The following ABCA4 variants were observed in gnomAD, a reference collection of about 807,000 sequenced individuals.
ABCA4 encodes retinal-specific phospholipid-transporting ATPase ABCA4.
A neutral mutation model predicts 263.7 loss-of-function variants in ABCA4; 196 were observed. That is an observed-to-expected ratio of 0.74 (90% CI 0.66 to 0.84). ABCA4 has a LOEUF of 0.84. Ranked by LOEUF, ABCA4 falls within the 40% of genes least tolerant of loss-of-function variation. The probability of loss-of-function intolerance (pLI) is 0.00; values close to 1 mark genes in which losing one functional copy is unlikely to be tolerated. For missense variants in ABCA4, 2,792 were observed against 2,855.1 expected (o/e 0.98, Z 0.50); for synonymous variants, 1,133 against 1,094.2 (o/e 1.04, Z -0.70).
intron 6 of ABCA4, 93 bp from the exon 7 acceptor site, chr1:94,083,534 A>G: frequency 3.6e-6 from 3 of 824,494 alleles, no homozygotes; most frequent in Admixed American, 2.1e-5. Flanking sequence ...ATGTTTGAAA[A>G]CTCCCCCCCT....
At chr1:94,115,647 G>A (rs1292792340) in intron 1 of ABCA4, among the ~76,000 whole-genome samples, 5 of 152,164 alleles carry the variant, frequency 3.3e-5, no homozygotes, top group African/African-American at 4.8e-5. Context: ...CAGAGCAGTC[G>A]TGAGGGTGAA....
At chr1:94,043,246 C>G in intron 21 of ABCA4, 90 bp downstream of exon 21, 3 of 1,583,244 alleles carry the variant, frequency 1.9e-6, no homozygotes, top group Non-Finnish European at 1.7e-6. Flanking sequence ...CTTAGAAGCT[C>G]TCCTGCTCCA....
chr1:94,116,396 G>A (rs1167733159), intron 1 of ABCA4, among the ~76,000 whole-genome samples: 4 of 152,166 alleles, frequency 2.6e-5, no homozygotes, highest in African/African-American at 9.7e-5. Context: ...GAATCTTGGG[G>A]CATGGGACAT....
At chr1:94,097,519 G>GA (rs907364735) in intron 6 of ABCA4, among the ~76,000 whole-genome samples, 2 of 151,772 alleles carry the variant, frequency 1.3e-5, no homozygotes, top group African/African-American at 2.4e-5. Flanking sequence ...GTAGGCAAAA[G>GA]AAAAAAAACA....
At chr1:94,040,453 A>G (rs750430902) in intron 23 of ABCA4, among the ~76,000 whole-genome samples, 3 of 152,192 alleles carry the variant, frequency 2.0e-5, no homozygotes, top group Non-Finnish European at 4.4e-5. Context: ...GGATGGACAT[A>G]GGAAACCCCA....
intron 36 of ABCA4, chr1:94,018,539 A>T (rs1398514491): frequency 8.8e-6 from 4 of 455,752 alleles, no homozygotes; most frequent in South Asian, 6.2e-5. Context: ...GCTGAGTAAG[A>T]TAGAAATCAT....
At position 94,014,684 on chromosome 1, in the gene ABCA4, C is replaced by T. The variant is rs139120604; in HGVS notation, c.5319G>A (p.Ala1773=). The change falls in exon 38 of 50, where the codon GCG becomes GCA. Residue 1773 remains alanine, a synonymous_variant. Transcript: ENST00000370225. ...ATGCTGGGTACATCATGGGAATGACCGCCCATCTGTGTGAAATGAGACAAC... is the reference window on the plus strand; with the variant it reads ...ATGCTGGGTACATCATGGGAATGACTGCCCATCTGTGTGAAATGAGACAAC... ...LVALLLLYGW[A]VIPMMYPASF... The T allele has an allele frequency of 2.4e-5, 39 of 1,613,962 alleles. No individual in the cohort carries two copies. In the African/African-American group the frequency reaches 3.3e-4, roughly 14 times the overall value.
In ABCA4 at chr1:93,997,973, A is replaced by G; in HGVS notation, c.6617T>C (p.Leu2206Pro). 1.2e-6 allele frequency: 2 copies of G among 1,614,092 alleles called. No homozygotes were observed. The highest frequency in any genetic ancestry group is 1.7e-6 in the Non-Finnish European group (2 of 1,180,002). The change falls in exon 48 of 50, where the codon CTC becomes CCC. Residue 2206 changes from leucine (L) to proline (P), a missense_variant. Transcript: ENST00000370225. ...SVQRERHYNM[L>P]QFQVSSSSLA... ...GGAGGAGGAGGAGACCTGGAACTGG[A>G]GCATGTTGTAGTGCCTCTCCCTCTG...
chr1:94,116,023 T>C (rs1662748594), intron 1 of ABCA4, among the ~76,000 whole-genome samples: 1 of 152,174 alleles, frequency 6.6e-6, no homozygotes, highest in South Asian at 2.1e-4. Context: ...ACCAAGCTAG[T>C]GCATTGTCAT....
At chr1:94,057,325 A>T (rs931983104) in intron 14 of ABCA4, among the ~76,000 whole-genome samples, 4 of 152,188 alleles carry the variant, frequency 2.6e-5, no homozygotes, top group African/African-American at 9.7e-5. Flanking sequence ...AATAGTATTT[A>T]TTATGTGTTA....
In ABCA4 at chr1:94,047,197, C is replaced by T. The variant is rs1048971673; in HGVS notation, c.2744-104G>A. On this transcript the variant is annotated intron_variant, in intron 18 of 49. Transcript: ENST00000370225. ...TATTCTGCCTATAACGTCACCTGCC[C>T]CTGTGGCTTCGGCTATCACCGTTGC... The T allele has an allele frequency of 3.8e-6, 5 of 1,304,064 alleles. No individual in the cohort carries two copies. In the African/African-American group the frequency reaches 5.8e-5, roughly 15 times the overall value. 80.8% of individuals were successfully genotyped at this position (1,304,064 alleles called of 1,614,324 possible). A position where few individuals can be genotyped will look rare whatever the true frequency, so the allele number is the denominator to read the frequency against.
rs61750152 is a variant in ABCA4 at position 94,025,011 on chromosome 1, G to T, written c.4577C>A (p.Thr1526Lys). 6.2e-7 allele frequency: 1 copy of T among 1,614,058 alleles called. No homozygotes were observed. Among genetic ancestry groups the T allele is most frequent in the Admixed American group, 1.7e-5 (1 of 60,010 alleles). ...CAAGAAGTCGGAGATGTTCCTGTCC[G>T]TCAGGTCTTGTAGAATTTCCGTGCT... The part of the protein sequence containing the change: ...QRSTEILQDL[T>K]DRNISDFLVK... Residue 1526 changes from threonine to lysine, a missense_variant, in exon 31 of 50, where the codon ACG (threonine) becomes AAG (lysine). By Grantham distance (78) the Thr-to-Lys change is moderately conservative. Transcript: ENST00000370225.
rs992805959 is a variant in ABCA4, at chr1:94,021,970, A to C, written c.4668-19T>G. 1.2e-6 allele frequency: 2 copies of C among 1,610,276 alleles called. No individual in the cohort carries two copies. The highest frequency in any genetic ancestry group is 2.7e-5 in the African/African-American group (2 of 74,820). ...TCCATACCTGACAAGGAAACAGGAA[A>C]TCCTCAGACCAGGGCCACGAACTTC... On this transcript the variant is annotated intron_variant, in intron 32 of 49. Transcript: ENST00000370225.
chr1:94,068,068 AAAT>A (rs1460814516), intron 11 of ABCA4, among the ~76,000 whole-genome samples: 2 of 152,170 alleles, frequency 1.3e-5, no homozygotes, highest in Non-Finnish European at 2.9e-5. Context: ...TATTTTCTTT[AAAT>A]AATATGTCTG....
At chr1:94,043,038 GC>G in intron 21 of ABCA4, 140 bp from the exon 22 acceptor site, 1 of 1,296,540 alleles carries the variant, frequency 7.7e-7, no homozygotes, top group Non-Finnish European at 1.1e-6. Flanking sequence ...AGCGTTCAAA[GC>G]CCTAATACTG....
rs917043066 is a variant in ABCA4 at position 94,051,490 on chromosome 1, A to G, written c.2653+143T>C. ...TCCCCCAGACGCTGCAATGCCCATC[A>G]AGGGGCAGAGCCCCAGGAGGCAGCT... On this transcript the variant is annotated intron_variant, in intron 17 of 49. Transcript: ENST00000370225. The G allele has an allele frequency of 7.9e-6, 6 of 762,942 alleles. No individual in the cohort carries two copies. In the Admixed American group the frequency reaches 1.2e-4, roughly 16 times the overall value. 47.3% of individuals were successfully genotyped at this position (762,942 alleles called of 1,614,324 possible).
At chr1:94,048,678 G>A (rs1660753370) in intron 18 of ABCA4, among the ~76,000 whole-genome samples, 190 bp downstream of exon 18, 1 of 152,136 alleles carries the variant, frequency 6.6e-6, no homozygotes, top group Non-Finnish European at 1.5e-5. Flanking sequence ...CTAATGTCTG[G>A]GCTGAACCAT....
Position 94,031,767 on chromosome 1 carries a change from G to A in ABCA4, c.4128+11C>T, listed in dbSNP as rs202102586. The A allele has an allele frequency of 2.5e-4, 400 of 1,613,204 alleles. 1 individual carries two copies. In the African/African-American group the frequency reaches 4.7e-3, roughly 19 times the overall value. On this transcript the variant is annotated intron_variant, in intron 27 of 49. Transcript: ENST00000370225. Reference sequence around the variant, plus strand: ...CACTGAGCTCAGCTAAACACCGACCGACAATAGTACCTGCGCCAGGAAGTC... The same window carrying A: ...CACTGAGCTCAGCTAAACACCGACCAACAATAGTACCTGCGCCAGGAAGTC...
In ABCA4 at chr1:94,063,305, C is replaced by T; in HGVS notation, c.1567G>A (p.Asp523Asn). ...VNQYLECLVL[D>N]KFESYNDETQ... ...TCATCATTGTAGCTTTCAAACTTAT[C>T]CAGGACCAAGCACTGCAGAGAGTCA... Residue 523 changes from aspartate (D) to asparagine (N), a missense_variant, in exon 12 of 50, where the codon GAT becomes AAT. Physicochemically the swap from Asp to Asn is conservative, Grantham distance 23. Transcript: ENST00000370225. The T allele has an allele frequency of 6.2e-7, 1 of 1,614,110 alleles. No homozygotes were observed. Among genetic ancestry groups the T allele is most frequent in the African/African-American group, 1.3e-5 (1 of 75,034 alleles).
Sources: gnomAD v4.1 joint callset for allele counts (sites outside exome capture counted in the v4.1 genomes callset) on GRCh38, gnomAD v4.1.1 for gene constraint, MANE v1.5 for transcripts, NCBI Gene and HGNC (gene_info 2026-07-23, HGNC 2026-07-21) for gene names.